KCNQ1OT1: variants seen among roughly 807,000 people sequenced by gnomAD.
KCNQ1OT1 encodes KCNQ1 antisense RNA 2 (non-protein coding).
In KCNQ1OT1 at chr11:2,642,774, C is replaced by T. The variant is rs890306326; in HGVS notation, n.57221G>A. ...ATCATTAGATTATTTAAGATCTTTT[C>T]TACCTTTTTTAATGGAGGCATTTAT... On this transcript the variant is annotated non_coding_transcript_exon_variant, in exon 1 of 1. Transcript: ENST00000597346. The surrounding 1 kb of genome is among the most constrained non-coding windows in gnomAD (Gnocchi z 4.3). The T allele has an allele frequency of 1.3e-5, 5 of 397,458 alleles. No homozygotes were observed. The highest frequency in any genetic ancestry group is 1.0e-4 in the African/African-American group (5 of 48,536). The allele number at this position is 397,458 out of a possible 1,614,324, so 24.6% of individuals were successfully genotyped here.
exon 1 of KCNQ1OT1, chr11:2,625,657 C>A: frequency 2.5e-6 from 1 of 397,236 alleles, no homozygotes. Context: ...CTTACTGCAA[C>A]CTCTGCCTCC....
chr11:2,683,980 A>G lies in KCNQ1OT1; in HGVS notation n.16015T>C. On this transcript the variant is annotated non_coding_transcript_exon_variant, in exon 1 of 1. Transcript: ENST00000597346. This position sits in a 1 kb window ranked among gnomAD's most constrained non-coding sequence, Gnocchi z 4.7. ...TTTTACTTTTTTTTTTTTTTCATTT[A>G]GAAGAATTTCCTTGGCAACTCCGTC... 1 of 395,828 alleles carries G rather than the reference A, an allele frequency of 2.5e-6. No individual in the cohort carries two copies. Among genetic ancestry groups the G allele is most frequent in the Admixed American group, 4.4e-5 (1 of 22,524 alleles). 24.5% of individuals were successfully genotyped at this position (395,828 alleles called of 1,614,324 possible). A position where few individuals can be genotyped will look rare whatever the true frequency, so the allele number is the denominator to read the frequency against.
rs1396151120 is a variant in KCNQ1OT1, at chr11:2,624,448, T to C, written n.75547A>G. The C allele has an allele frequency of 2.5e-6, 1 of 398,402 alleles. No individual in the cohort carries two copies. Among genetic ancestry groups the C allele is most frequent in the Non-Finnish European group, 4.4e-6 (1 of 226,030 alleles). The allele number at this position is 398,402 out of a possible 1,614,324, so 24.7% of individuals were successfully genotyped here. A position where few individuals can be genotyped will look rare whatever the true frequency, so the allele number is the denominator to read the frequency against. On this transcript the variant is annotated non_coding_transcript_exon_variant, in exon 1 of 1. Transcript: ENST00000597346. This position sits in a 1 kb window ranked among gnomAD's most constrained non-coding sequence, Gnocchi z 4.9. ...AAGTCTAGCTTATCAATTATTTCTTTCATGAATCATGCCTTTGGTGTCATA... is the reference window on the plus strand; with the variant it reads ...AAGTCTAGCTTATCAATTATTTCTTCCATGAATCATGCCTTTGGTGTCATA...
At position 2,623,737 on chromosome 11, in the gene KCNQ1OT1, T is replaced by C. The variant is rs1589987948; in HGVS notation, n.76258A>G. 2.5e-6 allele frequency: 1 copy of C among 398,596 alleles called. No homozygotes were observed. The highest frequency in any genetic ancestry group is 4.4e-6 in the Non-Finnish European group (1 of 226,042). 24.7% of individuals were successfully genotyped at this position (398,596 alleles called of 1,614,324 possible). On this transcript the variant is annotated non_coding_transcript_exon_variant, in exon 1 of 1. Coordinates refer to ENST00000597346, the Ensembl canonical transcript of KCNQ1OT1. The surrounding 1 kb of genome is among the most constrained non-coding windows in gnomAD (Gnocchi z 5.2). ...AATAAAGCTTCTGTAAACATCTCTG[T>C]GCAGATTTTTATGTGAATATAAGTC...
chr11:2,693,031 C>A (rs1850614211), exon 1 of KCNQ1OT1: 1 of 398,546 alleles, frequency 2.5e-6, no homozygotes, highest in African/African-American at 2.1e-5. Context: ...ACAGGAAGTC[C>A]TTTCTGGAGC....
In KCNQ1OT1 at chr11:2,611,313, G is replaced by A. The variant is rs559177437; in HGVS notation, n.88682C>T. ...TGGCTCACTGCAACCTCTGCCTCCC[G>A]GATTCAAGCCGTTCTCTTGCCTCAG... On this transcript the variant is annotated non_coding_transcript_exon_variant, in exon 1 of 1. Transcript: ENST00000597346. This position sits in a 1 kb window ranked among gnomAD's most constrained non-coding sequence, Gnocchi z 5.3. The A allele has an allele frequency of 3.5e-5, 14 of 397,248 alleles. No homozygotes were observed. The highest frequency in any genetic ancestry group is 1.4e-4 in the South Asian group (1 of 7,004). 24.6% of individuals were successfully genotyped at this position (397,248 alleles called of 1,614,324 possible).
chr11:2,687,516 T>A lies in KCNQ1OT1; in HGVS notation n.12479A>T, dbSNP rs1293547234. ...GGCACCCTAGGACTTGAGACCAGCC[T>A]CCTCTGTATGGTCCCTTCCCTGGTG... is the stretch of plus-strand genomic sequence containing the variant. On this transcript the variant is annotated non_coding_transcript_exon_variant, in exon 1 of 1. Coordinates refer to ENST00000597346, the Ensembl canonical transcript of KCNQ1OT1. This position sits in a 1 kb window ranked among gnomAD's most constrained non-coding sequence, Gnocchi z 5.0. 2.5e-6 allele frequency: 1 copy of A among 398,520 alleles called. No individual in the cohort carries two copies. The allele number at this position is 398,520 out of a possible 1,614,324, so 24.7% of individuals were successfully genotyped here.
Position 2,690,398 on chromosome 11 carries a change from A to T in KCNQ1OT1, n.9597T>A, listed in dbSNP as rs1047278541. ...GAACATGTGCCAGACCAAAAGAGCT[A>T]TCTCTCTCCCTGCGAAAGGCTGGGG... On this transcript the variant is annotated non_coding_transcript_exon_variant, in exon 1 of 1. Coordinates refer to ENST00000597346, the Ensembl canonical transcript of KCNQ1OT1. The surrounding 1 kb of genome is among the most constrained non-coding windows in gnomAD (Gnocchi z 5.1). 7 of 398,590 alleles carry T rather than the reference A, an allele frequency of 1.8e-5. No individual in the cohort carries two copies. The highest frequency in any genetic ancestry group is 6.2e-4 in the Middle Eastern group (1 of 1,612). The allele number at this position is 398,590 out of a possible 1,614,324, so 24.7% of individuals were successfully genotyped here. A position where few individuals can be genotyped will look rare whatever the true frequency, so the allele number is the denominator to read the frequency against.
exon 1 of KCNQ1OT1, chr11:2,628,857 T>C (rs914155435): frequency 1.3e-5 from 5 of 398,318 alleles, no homozygotes; most frequent in East Asian, 7.1e-5. Flanking sequence ...CACAGTGCCA[T>C]TTATTCAAGA....
chr11:2,696,804 C>T (rs1236705873), exon 1 of KCNQ1OT1: 2 of 398,432 alleles, frequency 5.0e-6, no homozygotes, highest in African/African-American at 4.1e-5. Flanking sequence ...ATAAATTTTG[C>T]TGCTATTCTG....
chr11:2,622,568 T>A (rs1054947123), exon 1 of KCNQ1OT1: 2 of 398,404 alleles, frequency 5.0e-6, no homozygotes, highest in African/African-American at 4.1e-5. Flanking sequence ...AAAAAGAAGT[T>A]CTGACATTTT....
At chr11:2,699,401 G>C (rs917071432) in exon 1 of KCNQ1OT1, 3 of 402,732 alleles carry the variant, frequency 7.4e-6, no homozygotes, top group African/African-American at 4.1e-5. Flanking sequence ...AACCCTCCCA[G>C]AGAGATGGGG....
exon 1 of KCNQ1OT1, chr11:2,680,368 C>A: frequency 2.5e-6 from 1 of 398,388 alleles, no homozygotes; most frequent in Non-Finnish European, 4.4e-6. Flanking sequence ...AGTTTACCCA[C>A]ATGTTCAAAT....
Position 2,671,237 on chromosome 11 carries a change from G to T in KCNQ1OT1, n.28758C>A. ...CAGAGGTAGACAGGAGTCCAGGTCT[G>T]ACCTCAAAATCCGATGTCCCCACCA... On this transcript the variant is annotated non_coding_transcript_exon_variant, in exon 1 of 1. Transcript: ENST00000597346. The surrounding 1 kb of genome is among the most constrained non-coding windows in gnomAD (Gnocchi z 4.7). 1 of 398,588 alleles carries T rather than the reference G, an allele frequency of 2.5e-6. No individual in the cohort carries two copies. Among genetic ancestry groups the T allele is most frequent in the South Asian group, 1.3e-4 (1 of 7,842 alleles). The allele number at this position is 398,588 out of a possible 1,614,324, so 24.7% of individuals were successfully genotyped here.
Position 2,644,211 on chromosome 11 carries a change from T to G in KCNQ1OT1, n.55784A>C, listed in dbSNP as rs185334325. On this transcript the variant is annotated non_coding_transcript_exon_variant, in exon 1 of 1. Coordinates refer to ENST00000597346, the Ensembl canonical transcript of KCNQ1OT1. Reference sequence around the variant, plus strand: ...TAATCTTTTGGTTTGCTCTTCACCTTCTGGGACACTGAAGGTGTCACCTTA... The same window carrying G: ...TAATCTTTTGGTTTGCTCTTCACCTGCTGGGACACTGAAGGTGTCACCTTA... 16 of 398,576 alleles carry G rather than the reference T, an allele frequency of 4.0e-5. 1 individual carries two copies. In the East Asian group the frequency reaches 5.7e-4, roughly 14 times the overall value. 24.7% of individuals were successfully genotyped at this position (398,576 alleles called of 1,614,324 possible).
At chr11:2,684,007 C>G in exon 1 of KCNQ1OT1, 1 of 397,786 alleles carries the variant, frequency 2.5e-6, no homozygotes, top group Non-Finnish European at 4.4e-6. Context: ...AACTCCGTCT[C>G]TCCTTAGTCA....
rs760591186 is a variant in KCNQ1OT1, at chr11:2,691,750, C to T, written n.8245G>A. On this transcript the variant is annotated non_coding_transcript_exon_variant, in exon 1 of 1. Transcript: ENST00000597346. The surrounding 1 kb of genome is among the most constrained non-coding windows in gnomAD (Gnocchi z 6.4). ...GGAGCCACACAGGCAGGGGACATTC[C>T]ACTAGGGCCATTTGCAGGCCAGTGG... 5.0e-5 allele frequency: 20 copies of T among 398,536 alleles called. No individual in the cohort carries two copies. Among genetic ancestry groups the T allele is most frequent in the Non-Finnish European group, 8.0e-5 (18 of 226,150 alleles). The allele number at this position is 398,536 out of a possible 1,614,324, so 24.7% of individuals were successfully genotyped here. A position where few individuals can be genotyped will look rare whatever the true frequency, so the allele number is the denominator to read the frequency against.
At chr11:2,614,221 G>T (rs1183926659) in exon 1 of KCNQ1OT1, 1 of 398,406 alleles carries the variant, frequency 2.5e-6, no homozygotes, top group Admixed American at 4.4e-5. Flanking sequence ...TCATTTGCAA[G>T]AGCCTCCACT....
At position 2,653,784 on chromosome 11, in the gene KCNQ1OT1, T is replaced by C; in HGVS notation, n.46211A>G. 2 of 398,654 alleles carry C rather than the reference T, an allele frequency of 5.0e-6. No individual in the cohort carries two copies. Among genetic ancestry groups the C allele is most frequent in the Non-Finnish European group, 8.8e-6 (2 of 226,086 alleles). The allele number at this position is 398,654 out of a possible 1,614,324, so 24.7% of individuals were successfully genotyped here. A position where few individuals can be genotyped will look rare whatever the true frequency, so the allele number is the denominator to read the frequency against. The stretch of plus-strand genomic sequence containing the variant: ...CTGGGGTACAAGCCATCCTTGGACC[T>C]GCAGCTGTACCTCCGATGGCTGAGG... On this transcript the variant is annotated non_coding_transcript_exon_variant, in exon 1 of 1. Coordinates refer to ENST00000597346, the Ensembl canonical transcript of KCNQ1OT1. The surrounding 1 kb of genome is among the most constrained non-coding windows in gnomAD (Gnocchi z 5.3).
Sources: allele counts gnomAD v4.1 joint callset, GRCh38; gene constraint gnomAD v4.1.1; non-coding constraint Gnocchi (gnomAD v3.1); transcripts MANE v1.5; gene names NCBI Gene and HGNC (gene_info 2026-07-23, HGNC 2026-07-21).